The following ROBO2 variants were observed in gnomAD, a reference collection of about 807,000 sequenced individuals.
ROBO2 encodes the protein roundabout homolog 2.
Under a neutral mutation model 160.8 loss-of-function variants are expected in ROBO2, and 53 were observed. That is an observed-to-expected ratio of 0.33 (90% CI 0.26 to 0.41). ROBO2 has a LOEUF of 0.41. Among genes scored for constraint, ROBO2 ranks in the 10% least tolerant of loss-of-function variants. ROBO2 has a pLI of 1.00. For missense variants in ROBO2, 1,577 were observed against 1,722.4 expected (o/e 0.92, Z 1.49); for synonymous variants, 664 against 611.7 (o/e 1.09, Z -1.26).
At chr3:76,445,954 G>T (rs1279776123) in intron 2 of ROBO2, among the ~76,000 whole-genome samples, 6 of 152,024 alleles carry the variant, frequency 3.9e-5, no homozygotes, top group Non-Finnish European at 7.4e-5. Flanking sequence ...GCAAAAACTG[G>T]AAGCATTCCC....
chr3:76,413,760 C>T (rs2075614554), intron 2 of ROBO2, among the ~76,000 whole-genome samples: 1 of 152,146 alleles, frequency 6.6e-6, no homozygotes, highest in African/African-American at 2.4e-5. Flanking sequence ...ACACATTTTC[C>T]TGTCTTCTTC....
At position 77,502,575 on chromosome 3, in the gene ROBO2, T is replaced by C. The variant is rs146904770; in HGVS notation, c.806+9193T>C. 1.8e-3 allele frequency among the ~76,000 whole-genome samples: 272 copies of C among 152,316 alleles called. 2 individuals carry two copies. The highest frequency in any genetic ancestry group is 6.3e-3 in the African/African-American group (262 of 41,572). ...TATTAGAAGTTAAAGAAGTGCTTGC[T>C]GAAAGAGTCAAATGGTGTGAGTAGG... On this transcript the variant is annotated intron_variant, in intron 5 of 25. Transcript: ENST00000461745.
intron 1 of ROBO2, among the ~76,000 whole-genome samples, chr3:77,083,090 C>T (rs934849873): frequency 8.5e-5 from 13 of 152,070 alleles, no homozygotes; most frequent in African/African-American, 3.1e-4. Context: ...ATTTCTCCCC[C>T]TGCAGTCAGC....
intron 2 of ROBO2, among the ~76,000 whole-genome samples, chr3:76,666,951 T>A (rs1249771956): frequency 7.4e-6 from 1 of 134,630 alleles, no homozygotes; most frequent in Non-Finnish European, 1.7e-5. Flanking sequence ...TATATATATA[T>A]TATATGACAT....
chr3:77,376,453 C>A (rs1435875335), intron 2 of ROBO2, among the ~76,000 whole-genome samples: 1 of 152,034 alleles, frequency 6.6e-6, no homozygotes, highest in Non-Finnish European at 1.5e-5. Context: ...CCACCGCACC[C>A]AGCTTAACTT....
chr3:77,360,372 A>AT (rs201530145), intron 2 of ROBO2, among the ~76,000 whole-genome samples: 1,665 of 152,162 alleles, frequency 0.011, 17 homozygotes, highest in Middle Eastern at 0.017. Context: ...TAAATTTTGA[A>AT]TTTTTGTTTG....
intron 4 of ROBO2, among the ~76,000 whole-genome samples, chr3:77,489,186 C>A (rs947116591): frequency 1.3e-5 from 2 of 152,172 alleles, no homozygotes; most frequent in Non-Finnish European, 2.9e-5. Flanking sequence ...AGGTATAAAA[C>A]CCATGTTGAT....
chr3:75,919,207 G>A (rs1003142061), intron 1 of ROBO2, among the ~76,000 whole-genome samples: 1 of 152,232 alleles, frequency 6.6e-6, no homozygotes, highest in South Asian at 2.1e-4. Context: ...TTTGAGATAT[G>A]TTCCATCAAT....
At chr3:76,853,150 G>A (rs1358479045) in intron 2 of ROBO2, among the ~76,000 whole-genome samples, 5 of 151,858 alleles carry the variant, frequency 3.3e-5, no homozygotes, top group African/African-American at 9.7e-5. Flanking sequence ...TTAACTCTTG[G>A]AATATAATAG....
chr3:77,223,295 G>A (rs2151215749), intron 2 of ROBO2, among the ~76,000 whole-genome samples: 1 of 152,164 alleles, frequency 6.6e-6, no homozygotes. Flanking sequence ...TAGAGCTCAA[G>A]GTTTTTAATA....
At chr3:76,264,152 G>A (rs553185859) in intron 2 of ROBO2, among the ~76,000 whole-genome samples, 2 of 151,892 alleles carry the variant, frequency 1.3e-5, no homozygotes, top group African/African-American at 4.8e-5. Context: ...CAGGTTGATG[G>A]GTGCAGCAAA....
At chr3:76,711,344 G>A (rs1049831891) in intron 2 of ROBO2, among the ~76,000 whole-genome samples, 1 of 152,136 alleles carries the variant, frequency 6.6e-6, no homozygotes, top group Admixed American at 6.5e-5. Flanking sequence ...AGGGAAATCT[G>A]CCCCCATGAA....
chr3:75,982,134 T>C lies in ROBO2; in HGVS notation c.109+44532T>C, dbSNP rs117590776. Among the ~76,000 whole-genome samples, 1,036 of 151,726 alleles carry C rather than the reference T, an allele frequency of 6.8e-3. 69 individuals carry two copies. In the East Asian group the frequency reaches 0.17, roughly 25 times the overall value. On this transcript the variant is annotated intron_variant, in intron 2 of 26. Coordinates refer to the ROBO2 transcript ENST00000487694. ...TTTTTTATGGCTGCATAGTACTCCG[T>C]TGTGTATATGAACCACATTTTCTTT...
intron 2 of ROBO2, among the ~76,000 whole-genome samples, chr3:76,703,183 A>G (rs1332001988): frequency 6.6e-6 from 1 of 152,132 alleles, no homozygotes; most frequent in Admixed American, 6.6e-5. Flanking sequence ...TAAAAAGACC[A>G]TGAAAGTTGA....
chr3:77,407,877 A>G (rs962632682), intron 2 of ROBO2, among the ~76,000 whole-genome samples: 1 of 152,190 alleles, frequency 6.6e-6, no homozygotes, highest in Non-Finnish European at 1.5e-5. Flanking sequence ...TCATTAATAT[A>G]TAGGTGGTCA....
At chr3:77,647,361 T>C (rs1196271027) in exon 26 of ROBO2, 1 of 152,140 alleles carries the variant, frequency 6.6e-6, no homozygotes. Flanking sequence ...TTGGAATAAA[T>C]ATTCTATGGT....
At chr3:77,362,928 C>T (rs1008172512) in intron 2 of ROBO2, among the ~76,000 whole-genome samples, 2 of 152,068 alleles carry the variant, frequency 1.3e-5, no homozygotes, top group East Asian at 3.9e-4. Flanking sequence ...GAAAAAGATG[C>T]CCCCAAGATT....
At chr3:76,461,523 G>T (rs1228965963) in intron 2 of ROBO2, among the ~76,000 whole-genome samples, 1 of 152,126 alleles carries the variant, frequency 6.6e-6, no homozygotes, top group Non-Finnish European at 1.5e-5. Flanking sequence ...AGATTTAAAG[G>T]TAAAAAATGA....
chr3:77,421,266 T>G (rs1159128303), intron 2 of ROBO2, among the ~76,000 whole-genome samples: 1 of 152,198 alleles, frequency 6.6e-6, no homozygotes, highest in Admixed American at 6.5e-5. Context: ...TTAAATGTTA[T>G]TTTGAGATAC....
Sources: allele counts gnomAD v4.1 joint callset (sites outside exome capture counted in the v4.1 genomes callset), GRCh38; gene constraint gnomAD v4.1.1; transcripts MANE v1.5; gene names NCBI Gene and HGNC (gene_info 2026-07-23, HGNC 2026-07-21).